KCNQ1OT1: variants seen among roughly 807,000 people sequenced by gnomAD.
The protein encoded by KCNQ1OT1 is KCNQ1 antisense RNA 2 (non-protein coding).
At chr11:2,614,622 T>C in exon 1 of KCNQ1OT1, 2 of 398,482 alleles carry the variant, frequency 5.0e-6, no homozygotes, top group Non-Finnish European at 8.8e-6. Context: ...CCAGCACCAT[T>C]TGTTAAAAGA....
chr11:2,611,020 TTCTC>T lies in KCNQ1OT1; in HGVS notation n.88971_88974del, dbSNP rs915201956. 4 of 398,338 alleles carry T rather than the reference TTCTC, an allele frequency of 1.0e-5. No homozygotes were observed. The highest frequency in any genetic ancestry group is 6.2e-4 in the Middle Eastern group (1 of 1,610). 24.7% of individuals were successfully genotyped at this position (398,338 alleles called of 1,614,324 possible). A position where few individuals can be genotyped will look rare whatever the true frequency, so the allele number is the denominator to read the frequency against. ...TGTCTATTATTGTTCAGTTGTCTGT[TTCTC>T]TCTTCATTTCTGACAGTTTTATTTC... On this transcript the variant is annotated non_coding_transcript_exon_variant, in exon 1 of 1. Coordinates refer to ENST00000597346, the Ensembl canonical transcript of KCNQ1OT1. The surrounding 1 kb of genome is among the most constrained non-coding windows in gnomAD (Gnocchi z 5.3).
exon 1 of KCNQ1OT1, chr11:2,646,866 C>G (rs1182675277): frequency 2.5e-6 from 1 of 398,450 alleles, no homozygotes; most frequent in Non-Finnish European, 4.4e-6. Context: ...TATTGAATTC[C>G]TTTACCAGTT....
rs1009873807 is a variant in KCNQ1OT1 at position 2,673,822 on chromosome 11, C to A, written n.26173G>T. On this transcript the variant is annotated non_coding_transcript_exon_variant, in exon 1 of 1. Coordinates refer to ENST00000597346, the Ensembl canonical transcript of KCNQ1OT1. The surrounding 1 kb of genome is among the most constrained non-coding windows in gnomAD (Gnocchi z 4.5). ...TGATGGCCCTTCAATCCCAGGCCCA[C>A]AAGCACCACAGCCAGGAGAGTCAAG... 1.3e-5 allele frequency: 5 copies of A among 398,648 alleles called. No homozygotes were observed. Among genetic ancestry groups the A allele is most frequent in the African/African-American group, 4.1e-5 (2 of 48,632 alleles). The allele number at this position is 398,648 out of a possible 1,614,324, so 24.7% of individuals were successfully genotyped here. A position where few individuals can be genotyped will look rare whatever the true frequency, so the allele number is the denominator to read the frequency against.
At chr11:2,681,717 T>C in exon 1 of KCNQ1OT1, 1 of 393,482 alleles carries the variant, frequency 2.5e-6, no homozygotes, top group Non-Finnish European at 4.5e-6. Context: ...TCTGTTCCTC[T>C]ATTCAGTATT....
chr11:2,644,236 A>T, exon 1 of KCNQ1OT1: 1 of 398,472 alleles, frequency 2.5e-6, no homozygotes, highest in Non-Finnish European at 4.4e-6. Flanking sequence ...GTGTCACCTT[A>T]TGGCATCCTA....
At chr11:2,688,018 C>G (rs549864403) in exon 1 of KCNQ1OT1, 4 of 398,748 alleles carry the variant, frequency 1.0e-5, no homozygotes, top group Middle Eastern at 6.3e-4. Flanking sequence ...CAGCACCCCT[C>G]TAGGCTTGGG....
Position 2,679,708 on chromosome 11 carries a change from T to C in KCNQ1OT1, n.20287A>G. ...ATTAGATTTTTTTTAAATCAGCCGT[T>C]CTCTGTATTCTTGTCCAGATGCTGT... is the stretch of plus-strand genomic sequence containing the variant. On this transcript the variant is annotated non_coding_transcript_exon_variant, in exon 1 of 1. Coordinates refer to ENST00000597346, the Ensembl canonical transcript of KCNQ1OT1. The surrounding 1 kb of genome is among the most constrained non-coding windows in gnomAD (Gnocchi z 4.8). 2.5e-6 allele frequency: 1 copy of C among 398,536 alleles called. No individual in the cohort carries two copies. The highest frequency in any genetic ancestry group is 4.4e-6 in the Non-Finnish European group (1 of 226,050). The allele number at this position is 398,536 out of a possible 1,614,324, so 24.7% of individuals were successfully genotyped here.
At position 2,654,790 on chromosome 11, in the gene KCNQ1OT1, G is replaced by C; in HGVS notation, n.45205C>G. 1 of 398,616 alleles carries C rather than the reference G, an allele frequency of 2.5e-6. No homozygotes were observed. Among genetic ancestry groups the C allele is most frequent in the Non-Finnish European group, 4.4e-6 (1 of 226,124 alleles). 24.7% of individuals were successfully genotyped at this position (398,616 alleles called of 1,614,324 possible). On this transcript the variant is annotated non_coding_transcript_exon_variant, in exon 1 of 1. Transcript: ENST00000597346. This position sits in a 1 kb window ranked among gnomAD's most constrained non-coding sequence, Gnocchi z 6.4. ...GAGGAAGTGAGACCAGAATTTCTTG[G>C]GAACAGAAAGCCTCAAAGACTTTCA...
chr11:2,691,341 G>A lies in KCNQ1OT1; in HGVS notation n.8654C>T. On this transcript the variant is annotated non_coding_transcript_exon_variant, in exon 1 of 1. Transcript: ENST00000597346. The surrounding 1 kb of genome is among the most constrained non-coding windows in gnomAD (Gnocchi z 6.4). ...TGAGCTACAATCCACTGCACTTACA[G>A]TGACCACCCATCCTGACATCTTGGG... The A allele has an allele frequency of 5.0e-6, 2 of 398,620 alleles. No homozygotes were observed. The highest frequency in any genetic ancestry group is 3.6e-5 in the East Asian group (1 of 28,066). 24.7% of individuals were successfully genotyped at this position (398,620 alleles called of 1,614,324 possible). A position where few individuals can be genotyped will look rare whatever the true frequency, so the allele number is the denominator to read the frequency against.
exon 1 of KCNQ1OT1, chr11:2,609,041 T>C (rs1190856552): frequency 5.0e-6 from 2 of 396,740 alleles, no homozygotes; most frequent in Non-Finnish European, 8.8e-6. Flanking sequence ...TCTACTCTAA[T>C]ATTTATTATT....
chr11:2,699,374 C>T (rs1435997290), exon 1 of KCNQ1OT1: 3 of 399,834 alleles, frequency 7.5e-6, no homozygotes, highest in Non-Finnish European at 8.8e-6. Flanking sequence ...CGCCCAGGTC[C>T]GTGCTGACCG....
Position 2,663,120 on chromosome 11 carries a change from A to G in KCNQ1OT1, n.36875T>C, listed in dbSNP as rs1403663537. On this transcript the variant is annotated non_coding_transcript_exon_variant, in exon 1 of 1. Transcript: ENST00000597346. The surrounding 1 kb of genome is among the most constrained non-coding windows in gnomAD (Gnocchi z 5.2). ...GGAAGGAGTGGCTATCTTAAGGGGT[A>G]ATTATGATCAGACAGGACCTGCCCA... 1 of 398,642 alleles carries G rather than the reference A, an allele frequency of 2.5e-6. No homozygotes were observed. Among genetic ancestry groups the G allele is most frequent in the East Asian group, 3.6e-5 (1 of 28,054 alleles). 24.7% of individuals were successfully genotyped at this position (398,642 alleles called of 1,614,324 possible).
chr11:2,631,975 G>C, exon 1 of KCNQ1OT1: 1 of 396,734 alleles, frequency 2.5e-6, no homozygotes, highest in Non-Finnish European at 4.4e-6. Flanking sequence ...AAGGTCAGGA[G>C]ATCGAGACCA....
exon 1 of KCNQ1OT1, chr11:2,696,878 G>A (rs886177316): frequency 2.5e-6 from 1 of 397,794 alleles, no homozygotes; most frequent in East Asian, 3.6e-5. Context: ...AAGAAATGTG[G>A]TTTGTTTTTG....
At chr11:2,616,305 A>G (rs868638424) in exon 1 of KCNQ1OT1, 9 of 396,876 alleles carry the variant, frequency 2.3e-5, no homozygotes, top group African/African-American at 1.5e-4. Flanking sequence ...CATTCTAGTT[A>G]AAGGTTTTCA....
exon 1 of KCNQ1OT1, chr11:2,622,706 G>A: frequency 2.5e-6 from 1 of 398,510 alleles, no homozygotes; most frequent in Non-Finnish European, 4.4e-6. Flanking sequence ...ATGTGTGTAT[G>A]TGTATTTTAA....
At chr11:2,699,723 C>G in exon 1 of KCNQ1OT1, 1 of 290,548 alleles carries the variant, frequency 3.4e-6, no homozygotes. Flanking sequence ...GAGGAGTCCC[C>G]GGGGAGAACT....
chr11:2,669,984 A>G lies in KCNQ1OT1; in HGVS notation n.30011T>C, dbSNP rs182699152. The G allele has an allele frequency of 1.0e-5, 4 of 398,648 alleles. No individual in the cohort carries two copies. In the East Asian group the frequency reaches 1.4e-4, roughly 14 times the overall value. 24.7% of individuals were successfully genotyped at this position (398,648 alleles called of 1,614,324 possible). On this transcript the variant is annotated non_coding_transcript_exon_variant, in exon 1 of 1. Transcript: ENST00000597346. This position sits in a 1 kb window ranked among gnomAD's most constrained non-coding sequence, Gnocchi z 5.6. ...TAGAGGTCCCCAAGTCACAACCTCA[A>G]ATCTCGGAATGGGGTTCAGGAGCTG...
chr11:2,640,768 T>C, exon 1 of KCNQ1OT1: 1 of 398,558 alleles, frequency 2.5e-6, no homozygotes, highest in South Asian at 1.3e-4. Context: ...TCAAACATTA[T>C]AAATTATTTA....
Sources: allele counts gnomAD v4.1 joint callset, GRCh38; gene constraint gnomAD v4.1.1; non-coding constraint Gnocchi (gnomAD v3.1); transcripts MANE v1.5; gene names NCBI Gene and HGNC (gene_info 2026-07-23, HGNC 2026-07-21).